Variants in XRRA1 observed in about 807,000 individuals in gnomAD.
The protein encoded by XRRA1 is X-ray radiation resistance associated 1, also known as X-ray radiation resistance-associated protein 1.
Under a neutral mutation model 80.2 loss-of-function variants are expected in XRRA1, and 69 were observed. That is an observed-to-expected ratio of 0.86 (90% CI 0.71 to 1.05). The LOEUF (loss-of-function observed/expected upper bound fraction) is 1.05, where lower values mean the gene tolerates loss of function less well. Ranked by LOEUF, XRRA1 falls within the 50% of genes least tolerant of loss-of-function variation. XRRA1 has a pLI of 0.00. For missense variants in XRRA1, 967 were observed against 976.4 expected, an observed-to-expected ratio of 0.99 and a Z score of 0.13; for synonymous variants, 348 against 389.9, an observed-to-expected ratio of 0.89 and a Z score of 1.27.
intron 12 of XRRA1, among the ~76,000 whole-genome samples, chr11:74,857,385 A>G (rs1280113381): frequency 1.3e-5 from 2 of 152,328 alleles, no homozygotes; most frequent in East Asian, 3.9e-4. Context: ...AGAGGCAAAA[A>G]AAAAAGGCAA....
intron 10 of XRRA1, among the ~76,000 whole-genome samples, chr11:74,898,198 TTAAAA>T (rs1272721819): frequency 6.6e-6 from 1 of 152,142 alleles, no homozygotes; most frequent in Non-Finnish European, 1.5e-5. Flanking sequence ...TGTCATCAGT[TTAAAA>T]TAACGGGTTA....
chr11:74,921,116 T>TTA (rs953443210), intron 8 of XRRA1, 98 bp downstream of exon 8: 2 of 1,500,812 alleles, frequency 1.3e-6, no homozygotes, highest in Non-Finnish European at 1.8e-6. Flanking sequence ...CTTTGAGCAC[T>TTA]TACAGCCTAT....
chr11:74,881,866 C>T (rs1412072498), intron 10 of XRRA1, among the ~76,000 whole-genome samples: 1 of 149,436 alleles, frequency 6.7e-6, no homozygotes, highest in East Asian at 2.0e-4. Context: ...AGGGTTTCTG[C>T]CGAGAGATCC....
At chr11:74,945,292 G>C (rs1947273226) in intron 1 of XRRA1, among the ~76,000 whole-genome samples, 1 of 152,164 alleles carries the variant, frequency 6.6e-6, no homozygotes, top group Admixed American at 6.5e-5. Context: ...TGGTATAGGA[G>C]AATATAATTA....
At chr11:74,928,712 A>G (rs1167250631) in intron 6 of XRRA1, among the ~76,000 whole-genome samples, 2 of 152,218 alleles carry the variant, frequency 1.3e-5, no homozygotes, top group Non-Finnish European at 2.9e-5. Context: ...AGAACCTAAT[A>G]AAGGCTGCTT....
At chr11:74,858,249 T>TA (rs2041563264) in intron 12 of XRRA1, among the ~76,000 whole-genome samples, 1 of 152,222 alleles carries the variant, frequency 6.6e-6, no homozygotes, top group Admixed American at 6.5e-5. Context: ...GGACCTGTGA[T>TA]ACATCTATGG....
rs751297090 is a variant in XRRA1, at chr11:74,940,766, A to G, written c.94+19T>C. The G allele has an allele frequency of 4.4e-6, 7 of 1,585,336 alleles. No homozygotes were observed. Among genetic ancestry groups the G allele is most frequent in the Non-Finnish European group, 5.2e-6 (6 of 1,164,096 alleles). ...AGCTAGGTATGAGGAAAAGGTAGCT[A>G]TTTGAGAAGTCACCTGACCTTCCTC... On this transcript the variant is annotated intron_variant, in intron 3 of 18. Transcript: ENST00000684022.
intron 10 of XRRA1, among the ~76,000 whole-genome samples, chr11:74,900,555 C>T (rs2053398320): frequency 6.6e-6 from 1 of 151,920 alleles, no homozygotes; most frequent in South Asian, 2.1e-4. Context: ...GCACTCCAGC[C>T]TTGGCAACAA....
chr11:74,938,419 G>A (rs963878453), intron 3 of XRRA1, among the ~76,000 whole-genome samples: 4 of 152,184 alleles, frequency 2.6e-5, no homozygotes, highest in Non-Finnish European at 4.4e-5. Context: ...CCCCCAACAA[G>A]GTCAGAAAGG....
chr11:74,859,966 C>T (rs1048870170), intron 11 of XRRA1, among the ~76,000 whole-genome samples: 1 of 152,008 alleles, frequency 6.6e-6, no homozygotes, highest in Non-Finnish European at 1.5e-5. Context: ...CTATACATAA[C>T]TCAGTACACT....
intron 10 of XRRA1, among the ~76,000 whole-genome samples, chr11:74,890,365 C>T (rs1310092586): frequency 6.6e-6 from 1 of 152,166 alleles, no homozygotes; most frequent in Non-Finnish European, 1.5e-5. Flanking sequence ...AGAACAAAGA[C>T]ACAACATACC....
Position 74,848,283 on chromosome 11 carries a change from G to A in XRRA1, c.1560C>T (p.Gly520=). The A allele has an allele frequency of 1.2e-6, 2 of 1,613,948 alleles. No individual in the cohort carries two copies. Among genetic ancestry groups the A allele is most frequent in the Non-Finnish European group, 1.7e-6 (2 of 1,179,860 alleles). Residue 520 remains glycine (G), a synonymous_variant, in exon 15 of 19, where the codon GGC becomes GGT. Transcript: ENST00000684022. The part of the protein sequence containing the change: ...ESEMPTENLE[G]HSPSCRTFVP... ...CGAAGGTCCGGCAAGACGGGGAATGGCCTTCCAGGTTCTCAGTGGGCATCT... is the reference window on the plus strand; with the variant it reads ...CGAAGGTCCGGCAAGACGGGGAATGACCTTCCAGGTTCTCAGTGGGCATCT...
chr11:74,907,224 G>C lies in XRRA1; in HGVS notation c.706C>G (p.Pro236Ala), dbSNP rs200414319. The change falls in exon 9 of 19, where the codon CCA becomes GCA. Residue 236 changes from proline to alanine, a missense_variant. Physicochemically the swap from Pro to Ala is conservative, Grantham distance 27 (BLOSUM62 -1). Coordinates refer to ENST00000684022, the MANE Select transcript of XRRA1 (RefSeq NM_001378157.1). ...TCCAGCATCAGTGTCTCCAGCGCTGGGAACCTCAGGATGTACCTCTTGCTT... is the reference window on the plus strand; with the variant it reads ...TCCAGCATCAGTGTCTCCAGCGCTGCGAACCTCAGGATGTACCTCTTGCTT... ...LTSKRYILRF[P>A]ALETLMLDDN... 1 of 1,613,960 alleles carries C rather than the reference G, an allele frequency of 6.2e-7. No individual in the cohort carries two copies. Among genetic ancestry groups the C allele is most frequent in the Admixed American group, 1.7e-5 (1 of 60,018 alleles).
At chr11:74,859,125 C>G in intron 12 of XRRA1, 33 bp downstream of exon 12, 1 of 1,561,908 alleles carries the variant, frequency 6.4e-7, no homozygotes, top group South Asian at 1.2e-5. Context: ...CCATCTGTGC[C>G]CCTGAGTAAA....
intron 10 of XRRA1, among the ~76,000 whole-genome samples, chr11:74,898,351 A>T (rs1315056150): frequency 6.6e-6 from 1 of 152,314 alleles, no homozygotes; most frequent in South Asian, 2.1e-4. Flanking sequence ...GAGGGAAAGA[A>T]GGAAGAGAAG....
intron 17 of XRRA1, 102 bp downstream of exon 17, chr11:74,844,066 T>C: frequency 1.4e-6 from 2 of 1,450,722 alleles, no homozygotes; most frequent in Non-Finnish European, 1.9e-6. Flanking sequence ...CTGGGGGTGC[T>C]GGGAAAGCAT....
intron 3 of XRRA1, among the ~76,000 whole-genome samples, chr11:74,939,626 A>C (rs1245057558): frequency 6.6e-6 from 1 of 152,204 alleles, no homozygotes; most frequent in Non-Finnish European, 1.5e-5. Flanking sequence ...CTAGTCCTGC[A>C]AACAACTATT....
At chr11:74,885,221 G>A (rs913259522) in intron 10 of XRRA1, among the ~76,000 whole-genome samples, 4 of 152,146 alleles carry the variant, frequency 2.6e-5, no homozygotes, top group South Asian at 2.1e-4. Flanking sequence ...CTGAGATCAC[G>A]CAACTGCGCT....
chr11:74,872,733 C>A (rs1484441812), intron 10 of XRRA1, among the ~76,000 whole-genome samples: 1 of 152,122 alleles, frequency 6.6e-6, no homozygotes, highest in Non-Finnish European at 1.5e-5. Flanking sequence ...GGTTCAGACC[C>A]CTGGCTCCAG....
Sources: gnomAD v4.1 joint callset for allele counts (sites outside exome capture counted in the v4.1 genomes callset) on GRCh38, gnomAD v4.1.1 for gene constraint, MANE v1.5 for transcripts, NCBI Gene and HGNC (gene_info 2026-07-23, HGNC 2026-07-21) for gene names.